ZNF326: variants seen among roughly 807,000 people sequenced by gnomAD.
ZNF326 encodes the protein zinc finger protein 326.
ZNF326 carries 30 observed loss-of-function variants against 63.1 expected under a neutral mutation model. The observed-to-expected ratio is 0.48, with a 90% CI of 0.36 to 0.64. The LOEUF (loss-of-function observed/expected upper bound fraction) is 0.64, where lower values mean the gene tolerates loss of function less well. ZNF326 is among the 30% of genes least tolerant of loss of function. The pLI is 0.00. For synonymous variants in ZNF326, 194 were observed against 228.2 expected (o/e 0.85, Z 1.35); for missense variants, 609 against 720.3 (o/e 0.85, Z 1.77).
rs1209522231 is a variant in ZNF326, at chr1:90,031,945, C to A, written c.*4244C>A. The stretch of plus-strand genomic sequence containing the variant: ...GGCAGGAATGTTCTAGTCTGTGTGA[C>A]AGTTACAGTTCATTTTATAAATAAA... On this transcript the variant is annotated 3_prime_UTR_variant, in exon 12 of 12. Transcript: ENST00000340281. 3 of 152,206 alleles carry A rather than the reference C, an allele frequency of 2.0e-5. No homozygotes were observed. The highest frequency in any genetic ancestry group is 4.4e-5 in the Non-Finnish European group (3 of 68,044). 9.4% of individuals were successfully genotyped at this position (152,206 alleles called of 1,614,324 possible).
chr1:89,998,080 A>T lies in ZNF326; in HGVS notation c.17-30A>T, dbSNP rs560177674. 6 of 1,601,158 alleles carry T rather than the reference A, an allele frequency of 3.7e-6. No individual in the cohort carries two copies. In the African/African-American group the frequency reaches 6.7e-5, roughly 18 times the overall value. Reference sequence around the variant, plus strand: ...TTTGAATTATTGCTAATATCACACTAATTCCTTTTTGTTAAATGTGTCTTC... The same window carrying T: ...TTTGAATTATTGCTAATATCACACTTATTCCTTTTTGTTAAATGTGTCTTC... On this transcript the variant is annotated intron_variant, in intron 1 of 11. Coordinates refer to ENST00000340281, the MANE Select transcript of ZNF326 (RefSeq NM_182976.4).
rs760176679 is a variant in ZNF326, at chr1:90,031,705, ACAC to A, written c.*4010_*4012del. 1 of 152,036 alleles carries A rather than the reference ACAC, an allele frequency of 6.6e-6. No homozygotes were observed. Among genetic ancestry groups the A allele is most frequent in the Non-Finnish European group, 1.5e-5 (1 of 68,032 alleles). The allele number at this position is 152,036 out of a possible 1,614,324, so 9.4% of individuals were successfully genotyped here. On this transcript the variant is annotated 3_prime_UTR_variant, in exon 12 of 12. Transcript: ENST00000340281. ...CCCGAGTAACTGGGATTACAGGCAC[ACAC>A]CACCATGCCCAGCTAATTTTTTTGT...
chr1:90,008,336 A>G (rs1649086732), intron 5 of ZNF326, among the ~76,000 whole-genome samples: 1 of 152,196 alleles, frequency 6.6e-6, no homozygotes, highest in South Asian at 2.1e-4. Flanking sequence ...TCACGCTTAC[A>G]ATATGTCCAG....
chr1:90,012,319 T>C (rs1317281852), intron 6 of ZNF326, among the ~76,000 whole-genome samples: 1 of 152,162 alleles, frequency 6.6e-6, no homozygotes, highest in Non-Finnish European at 1.5e-5. Context: ...GGGTGAACTG[T>C]GAAAACATGC....
At chr1:90,000,641 G>A (rs531195074) in intron 2 of ZNF326, among the ~76,000 whole-genome samples, 2 of 152,262 alleles carry the variant, frequency 1.3e-5, no homozygotes, top group South Asian at 2.1e-4. Flanking sequence ...GGAGGTGGAG[G>A]CTGCAGTGAG....
At position 90,028,861 on chromosome 1, in the gene ZNF326, C is replaced by T. The variant is rs1475266664; in HGVS notation, c.*1160C>T. On this transcript the variant is annotated 3_prime_UTR_variant, in exon 12 of 12. Coordinates refer to ENST00000340281, the MANE Select transcript of ZNF326 (RefSeq NM_182976.4). ...TTTTTGGGACAGGGTTTCACTCTGT[C>T]ACCCAGGCTGGAGTGCAGTGTAGCC... 1 of 149,896 alleles carries T rather than the reference C, an allele frequency of 6.7e-6. No homozygotes were observed. Among genetic ancestry groups the T allele is most frequent in the Non-Finnish European group, 1.5e-5 (1 of 67,784 alleles). 9.3% of individuals were successfully genotyped at this position (149,896 alleles called of 1,614,324 possible). A position where few individuals can be genotyped will look rare whatever the true frequency, so the allele number is the denominator to read the frequency against.
chr1:90,008,796 AAC>A (rs1299993398), intron 5 of ZNF326, among the ~76,000 whole-genome samples: 2 of 152,148 alleles, frequency 1.3e-5, no homozygotes, highest in Admixed American at 6.5e-5. Flanking sequence ...TTGCATTTTT[AAC>A]AGTTACTCTT....
At position 90,018,760 on chromosome 1, in the gene ZNF326, A is replaced by T. The variant is rs1455329724; in HGVS notation, c.1150A>T (p.Ile384Leu). 2 of 1,557,538 alleles carry T rather than the reference A, an allele frequency of 1.3e-6. No homozygotes were observed. Among genetic ancestry groups the T allele is most frequent in the African/African-American group, 1.4e-5 (1 of 72,560 alleles). Reference sequence around the variant, plus strand: ...AAATAATCAAACAGAAGTAGTTAAAATAATTGAAAAAGATGTTATGGAAGG... The same window carrying T: ...AAATAATCAAACAGAAGTAGTTAAATTAATTGAAAAAGATGTTATGGAAGG... ...QTNNQTEVVK[I>L]IEKDVMEGVT... The change falls in exon 9 of 12, where the codon ATA becomes TTA. Residue 384 changes from isoleucine to leucine, a missense_variant. Around this residue, in one of 3 missense-constraint regions of ZNF326, gnomAD observed 399 missense variants for 444.3 expected, o/e 0.90. Transcript: ENST00000340281.
chr1:89,995,324 C>T (rs1648295938), intron 1 of ZNF326, 51 bp downstream of exon 1: 2 of 1,527,608 alleles, frequency 1.3e-6, no homozygotes, highest in Non-Finnish European at 8.8e-7. Context: ...GCGGGGTGGC[C>T]TACGCAGGGG....
chr1:90,004,820 A>G (rs1244967612), intron 2 of ZNF326, among the ~76,000 whole-genome samples, 183 bp from the exon 3 acceptor site: 5 of 12,140 alleles, frequency 4.1e-4, no homozygotes, highest in Non-Finnish European at 8.7e-4. Context: ...TTTTTTTTTT[A>G]GCAAATTTGA....
chr1:90,007,407 C>G lies in ZNF326; in HGVS notation c.272C>G (p.Ser91Cys), dbSNP rs1649036461. The change falls in exon 5 of 12, where the codon TCT (serine) becomes TGT (cysteine). Residue 91 changes from serine (S) to cysteine (C), a missense_variant. Ser to Cys is a moderately radical substitution (Grantham distance 112). Coordinates refer to ENST00000340281, the MANE Select transcript of ZNF326 (RefSeq NM_182976.4). This position sits in a 1 kb window ranked among gnomAD's most constrained non-coding sequence, Gnocchi z 4.9. The stretch of plus-strand genomic sequence containing the variant: ...CTGGGTGGGCGAGATCTGTACAGAT[C>G]TGGCTATGGTTTTAATGAACCCGAA... ...SSLGGRDLYR[S>C]GYGFNEPEQS... is the part of the protein sequence containing the mutation. 3 of 1,614,010 alleles carry G rather than the reference C, an allele frequency of 1.9e-6. No homozygotes were observed. Among genetic ancestry groups the G allele is most frequent in the Middle Eastern group, 1.7e-4 (1 of 6,060 alleles).
intron 1 of ZNF326, among the ~76,000 whole-genome samples, chr1:89,997,879 T>A (rs1323946939): frequency 6.6e-6 from 1 of 152,194 alleles, no homozygotes; most frequent in African/African-American, 2.4e-5. Flanking sequence ...AAACTAATGT[T>A]TACCATAATT....
intron 2 of ZNF326, among the ~76,000 whole-genome samples, chr1:90,002,646 A>G (rs1395047411): frequency 2.0e-5 from 3 of 152,226 alleles, no homozygotes; most frequent in Non-Finnish European, 4.4e-5. Context: ...TACTAGCTAC[A>G]TGTTACTGTT....
chr1:89,998,145 G>C lies in ZNF326; in HGVS notation c.52G>C (p.Gly18Arg). Reference sequence around the variant, plus strand: ...CTCCGCCTGCAGGAATACTTATCAGGGCTTTAATGGTAAGTATCCTCTTTC... The same window carrying C: ...CTCCGCCTGCAGGAATACTTATCAGCGCTTTAATGGTAAGTATCCTCTTTC... Reference protein sequence around the residue: ...THSACRNTYQGFNGMDRDYGP... With the variant: ...THSACRNTYQRFNGMDRDYGP... The change falls in exon 2 of 12, where the codon GGC (glycine) becomes CGC (arginine). Residue 18 changes from glycine to arginine, a missense_variant. Coordinates refer to ENST00000340281, the MANE Select transcript of ZNF326 (RefSeq NM_182976.4). The C allele has an allele frequency of 6.2e-7, 1 of 1,612,834 alleles. No homozygotes were observed.
chr1:90,010,266 T>C lies in ZNF326; in HGVS notation c.794T>C (p.Ile265Thr). The change falls in exon 6 of 12, where the codon ATA becomes ACA. Residue 265 changes from isoleucine (I) to threonine (T), a missense_variant. This residue lies in a region of ZNF326 where 399 missense variants were observed against 444.3 expected (regional missense o/e 0.90). Transcript: ENST00000340281. ...KPKLAKPMEKISLSKSPTKTD... is the reference protein window; with the variant it reads ...KPKLAKPMEKTSLSKSPTKTD... ...AAACTAGCAAAACCTATGGAGAAGA[T>C]AAGCCTCAGCAAATCACCCAGTAAG... 1 of 1,613,750 alleles carries C rather than the reference T, an allele frequency of 6.2e-7. No homozygotes were observed. The highest frequency in any genetic ancestry group is 8.5e-7 in the Non-Finnish European group (1 of 1,179,762).
intron 2 of ZNF326, among the ~76,000 whole-genome samples, chr1:90,004,153 G>A (rs1158044923): frequency 6.6e-6 from 1 of 150,788 alleles, no homozygotes; most frequent in Non-Finnish European, 1.5e-5. Context: ...GAATTGCAGT[G>A]TAATAAAATA....
chr1:90,005,963 C>T (rs548570429), intron 4 of ZNF326: 1 of 985,332 alleles, frequency 1.0e-6, no homozygotes, highest in African/African-American at 1.7e-5. Context: ...TTAAGGTTGA[C>T]CATATTTCAG....
chr1:90,005,740 T>C, intron 4 of ZNF326: 3 of 983,912 alleles, frequency 3.0e-6, no homozygotes, highest in Non-Finnish European at 3.6e-6. Flanking sequence ...ATTCTAATTT[T>C]AAAGGAAGAG....
intron 5 of ZNF326, among the ~76,000 whole-genome samples, chr1:90,009,418 A>G (rs990382654): frequency 1.3e-5 from 2 of 152,158 alleles, no homozygotes; most frequent in Admixed American, 6.5e-5. Context: ...GTTTGGTTGC[A>G]TGACTCTTCA....
Sources: allele counts gnomAD v4.1 joint callset (sites outside exome capture counted in the v4.1 genomes callset), GRCh38; gene constraint gnomAD v4.1.1; regional missense constraint gnomAD v4.1.1; non-coding constraint Gnocchi (gnomAD v3.1); transcripts MANE v1.5; gene names NCBI Gene and HGNC (gene_info 2026-07-23, HGNC 2026-07-21).